LRRK2: variants seen among roughly 807,000 people sequenced by gnomAD.
The protein encoded by LRRK2 is leucine-rich repeat serine/threonine-protein kinase 2.
Under a neutral mutation model 302.6 loss-of-function variants are expected in LRRK2, and 203 were observed. That is an observed-to-expected ratio of 0.67 (90% CI 0.60 to 0.75). LRRK2 has a LOEUF of 0.75. Ranked by LOEUF, LRRK2 falls within the 30% of genes least tolerant of loss-of-function variation. The probability of loss-of-function intolerance (pLI) is 0.00; values close to 1 mark genes in which losing one functional copy is unlikely to be tolerated. For synonymous variants in LRRK2, 1,066 were observed against 1,031.9 expected, an observed-to-expected ratio of 1.03 and a Z score of -0.63; for missense variants, 2,830 against 2,951.0, an observed-to-expected ratio of 0.96 and a Z score of 0.95.
At position 40,321,170 on chromosome 12, in the gene LRRK2, T is replaced by C; in HGVS notation, c.5152T>C (p.Tyr1718His). 3 of 1,612,200 alleles carry C rather than the reference T, an allele frequency of 1.9e-6. No individual in the cohort carries two copies. The highest frequency in any genetic ancestry group is 2.5e-6 in the Non-Finnish European group (3 of 1,178,602). Reference protein sequence around the residue: ...LINRLLEISPYMLSGRERALR... With the variant: ...LINRLLEISPHMLSGRERALR... Reference sequence around the variant, plus strand: ...CAATCGATTACTTGAGATTTCACCTTACATGCTTTCAGGGAGAGGTAAGTA... The same window carrying C: ...CAATCGATTACTTGAGATTTCACCTCACATGCTTTCAGGGAGAGGTAAGTA... Residue 1718 changes from tyrosine to histidine, a missense_variant, in exon 35 of 51, where the codon TAC becomes CAC. This residue lies in a region of LRRK2 where 2,121 missense variants were observed against 2,148.0 expected (regional missense o/e 0.99). Transcript: ENST00000298910.
Position 40,274,731 on chromosome 12 carries a change from A to G in LRRK2, c.1801+4A>G, listed in dbSNP as rs765543466. The stretch of plus-strand genomic sequence containing the variant: ...CAGATGTATCCAGATGACCAAGGTC[A>G]GTACAATTTGAATTCAGGATTTAGA... On this transcript the variant is annotated splice_donor_region_variant and intron_variant, in intron 15 of 50. Transcript: ENST00000298910. The G allele has an allele frequency of 6.2e-7, 1 of 1,614,078 alleles. No homozygotes were observed. Among genetic ancestry groups the G allele is most frequent in the South Asian group, 1.1e-5 (1 of 91,088 alleles).
chr12:40,346,295 G>A (rs1345512538), intron 41 of LRRK2, among the ~76,000 whole-genome samples: 1 of 151,962 alleles, frequency 6.6e-6, no homozygotes, highest in Non-Finnish European at 1.5e-5. Context: ...ATTTTGTTCA[G>A]GTTAAAGTGA....
chr12:40,336,964 A>T (rs1044639815), intron 40 of LRRK2, among the ~76,000 whole-genome samples: 4 of 152,206 alleles, frequency 2.6e-5, no homozygotes, highest in African/African-American at 9.6e-5. Context: ...AAAATGACTT[A>T]TTCTAGTTCT....
chr12:40,300,994 C>A (rs1430660663), intron 25 of LRRK2: 1 of 468,762 alleles, frequency 2.1e-6, no homozygotes, highest in Non-Finnish European at 4.4e-6. Context: ...AATGGTCATA[C>A]CTAGGACAGG....
intron 23 of LRRK2, among the ~76,000 whole-genome samples, chr12:40,295,879 G>A (rs906184697): frequency 1.1e-4 from 17 of 152,080 alleles, no homozygotes; most frequent in Admixed American, 2.6e-4. Context: ...GGTTCTGTAC[G>A]GAGTACATGT....
intron 27 of LRRK2, chr12:40,305,123 T>A (rs1056364780): frequency 1.3e-5 from 2 of 152,192 alleles, no homozygotes; most frequent in African/African-American, 4.8e-5. Context: ...AAATCTGAAA[T>A]TGATAATTTG....
At chr12:40,244,275 A>T (rs1239458969) in intron 7 of LRRK2, among the ~76,000 whole-genome samples, 1 of 152,182 alleles carries the variant, frequency 6.6e-6, no homozygotes, top group Non-Finnish European at 1.5e-5. Context: ...TCAAAATGTA[A>T]TCATACTGTA....
At chr12:40,264,073 T>C (rs1942898117) in intron 14 of LRRK2, among the ~76,000 whole-genome samples, 172 bp downstream of exon 14, 2 of 152,132 alleles carry the variant, frequency 1.3e-5, no homozygotes, top group Non-Finnish European at 2.9e-5. Flanking sequence ...TGAAAAGATA[T>C]GTACTAAGCT....
intron 8 of LRRK2, among the ~76,000 whole-genome samples, chr12:40,250,820 C>T (rs1163353269): frequency 2.0e-5 from 3 of 152,130 alleles, no homozygotes; most frequent in Non-Finnish European, 4.4e-5. Context: ...CATCCGTGTC[C>T]CTGCAAAGGA....
At chr12:40,257,591 A>C (rs1942576399) in intron 12 of LRRK2, among the ~76,000 whole-genome samples, 1 of 152,196 alleles carries the variant, frequency 6.6e-6, no homozygotes, top group African/African-American at 2.4e-5. Flanking sequence ...AACATGTTGA[A>C]GGTTTGCTTT....
intron 39 of LRRK2, among the ~76,000 whole-genome samples, chr12:40,334,165 G>T (rs561085289): frequency 1.3e-5 from 2 of 152,168 alleles, no homozygotes; most frequent in African/African-American, 4.8e-5. Context: ...ATTAGTAGTG[G>T]CTATAGAGAA....
intron 30 of LRRK2, 69 bp from the exon 31 acceptor site, chr12:40,310,362 T>C (rs1310011920): frequency 1.4e-6 from 2 of 1,431,690 alleles, no homozygotes; most frequent in South Asian, 2.3e-5. Context: ...GGAAAGCAAA[T>C]ATCAACAGGA....
intron 38 of LRRK2, among the ~76,000 whole-genome samples, chr12:40,326,633 C>T (rs1307296582): frequency 6.6e-6 from 1 of 152,082 alleles, no homozygotes; most frequent in Non-Finnish European, 1.5e-5. Flanking sequence ...CAAGATGCAT[C>T]TATATGTTTC....
chr12:40,280,716 C>A (rs755824472), intron 18 of LRRK2, among the ~76,000 whole-genome samples: 8 of 151,894 alleles, frequency 5.3e-5, no homozygotes, highest in South Asian at 2.1e-4. Context: ...GTCAAGGCTG[C>A]AGGAGCTAAG....
intron 14 of LRRK2, among the ~76,000 whole-genome samples, chr12:40,270,136 A>G (rs571191016): frequency 7.4e-4 from 112 of 152,282 alleles, no homozygotes; most frequent in African/African-American, 2.6e-3. Flanking sequence ...CTTGGCACAT[A>G]GTATGCGCTC....
intron 14 of LRRK2, among the ~76,000 whole-genome samples, chr12:40,271,535 T>G (rs1231768352): frequency 1.3e-5 from 2 of 152,118 alleles, no homozygotes. Context: ...CTCCAGAGTT[T>G]CACTTGAAAA....
chr12:40,320,896 T>A, intron 34 of LRRK2, 138 bp from the exon 35 acceptor site: 1 of 1,064,472 alleles, frequency 9.4e-7, no homozygotes, highest in Admixed American at 1.8e-5. Flanking sequence ...AGGAAAAATA[T>A]GTAGTGAAAC....
intron 30 of LRRK2, 85 bp from the exon 31 acceptor site, chr12:40,310,346 T>A (rs1230756361): frequency 8.0e-7 from 1 of 1,249,900 alleles, no homozygotes; most frequent in African/African-American, 1.5e-5. Context: ...TTCAAGTGAA[T>A]GTCACGGAAA....
chr12:40,367,871 G>T lies in LRRK2; in HGVS notation c.*106G>T. ...AAGGGTACTCACATTTTTTGAAATA[G>T]CTCGTGTGTATGAAGGAATGTTATT... On this transcript the variant is annotated 3_prime_UTR_variant, in exon 51 of 51. Transcript: ENST00000298910. The T allele has an allele frequency of 9.8e-7, 1 of 1,019,404 alleles. No individual in the cohort carries two copies. The highest frequency in any genetic ancestry group is 1.4e-6 in the Non-Finnish European group (1 of 707,408). The allele number at this position is 1,019,404 out of a possible 1,614,324, so 63.1% of individuals were successfully genotyped here.
Sources: allele counts gnomAD v4.1 joint callset (sites outside exome capture counted in the v4.1 genomes callset), GRCh38; gene constraint gnomAD v4.1.1; regional missense constraint gnomAD v4.1.1; transcripts MANE v1.5; gene names NCBI Gene and HGNC (gene_info 2026-07-23, HGNC 2026-07-21).